The following NAALADL2 variants were observed in gnomAD, a reference collection of about 807,000 sequenced individuals.
NAALADL2 encodes N-acetylated alpha-linked acidic dipeptidase like 2, also known as inactive N-acetylated-alpha-linked acidic dipeptidase-like protein 2.
In NAALADL2, 76 loss-of-function variants were observed where a neutral mutation model predicts 87.2. That is an observed-to-expected ratio of 0.87 (90% CI 0.72 to 1.05). The LOEUF (loss-of-function observed/expected upper bound fraction) is 1.05, where lower values mean the gene tolerates loss of function less well. Among genes scored for constraint, NAALADL2 ranks in the 50% least tolerant of loss-of-function variants. NAALADL2 has a pLI of 0.00. For synonymous variants in NAALADL2, 354 were observed against 331.0 expected, an observed-to-expected ratio of 1.07 and a Z score of -0.75; for missense variants, 1,089 against 945.8, an observed-to-expected ratio of 1.15 and a Z score of -1.99.
chr3:175,390,220 G>A (rs1327478433), intron 5 of NAALADL2, among the ~76,000 whole-genome samples: 4 of 151,890 alleles, frequency 2.6e-5, no homozygotes, highest in East Asian at 3.9e-4. Flanking sequence ...CCCTCGCAAG[G>A]GGACAACTCT....
intron 2 of NAALADL2, among the ~76,000 whole-genome samples, chr3:174,586,988 C>A (rs1202465846): frequency 7.3e-6 from 1 of 137,066 alleles, no homozygotes; most frequent in Non-Finnish European, 1.6e-5. Context: ...TGCCCCTCCC[C>A]CCACCCCACG....
intron 1 of NAALADL2, among the ~76,000 whole-genome samples, chr3:174,472,024 A>T (rs1716938484): frequency 6.6e-6 from 1 of 152,188 alleles, no homozygotes; most frequent in South Asian, 2.1e-4. Flanking sequence ...AGGAAATTAC[A>T]TGACTGTCTC....
At chr3:174,462,244 G>A (rs989951766) in intron 1 of NAALADL2, among the ~76,000 whole-genome samples, 2 of 151,942 alleles carry the variant, frequency 1.3e-5, no homozygotes, top group African/African-American at 4.8e-5. Flanking sequence ...TTATTGGAAC[G>A]TTTGTCCTTG....
intron 2 of NAALADL2, among the ~76,000 whole-genome samples, chr3:174,579,644 AAT>A (rs1305586266): frequency 2.6e-5 from 4 of 152,036 alleles, no homozygotes; most frequent in African/African-American, 7.2e-5. Flanking sequence ...TATACACATA[AAT>A]ATGTTTGTCA....
At chr3:174,848,276 T>A (rs1488358881) in intron 3 of NAALADL2, among the ~76,000 whole-genome samples, 1 of 152,096 alleles carries the variant, frequency 6.6e-6, no homozygotes, top group Non-Finnish European at 1.5e-5. Flanking sequence ...CCTTTGAAAA[T>A]CAGAACTAAA....
At chr3:175,295,683 T>C in intron 4 of NAALADL2, among the ~76,000 whole-genome samples, 1 of 149,066 alleles carries the variant, frequency 6.7e-6, no homozygotes, top group African/African-American at 2.5e-5. Flanking sequence ...CAATCATACT[T>C]CCCTACTTAA....
intron 13 of NAALADL2, among the ~76,000 whole-genome samples, chr3:175,768,704 T>A (rs1749078422): frequency 6.6e-6 from 1 of 151,962 alleles, no homozygotes. Context: ...ACAAAAAAAT[T>A]AGCTGGGCAT....
rs141062658 is a variant in NAALADL2 at position 174,635,571 on chromosome 3, C to T, written c.-115+84934C>T. On this transcript the variant is annotated intron_variant, in intron 2 of 3. Transcript: ENST00000434257. ...AGGCTGGAGTGCTCTGGCGCGATCT[C>T]GGCTCACTGCAACTTCTGCCTCCCG... 5.7e-3 allele frequency among the ~76,000 whole-genome samples: 855 copies of T among 150,888 alleles called. 7 individuals carry two copies. Among genetic ancestry groups the T allele is most frequent in the East Asian group, 0.039 (198 of 5,080 alleles).
At chr3:175,461,288 A>AGCT (rs1200335438) in intron 6 of NAALADL2, among the ~76,000 whole-genome samples, 1 of 148,002 alleles carries the variant, frequency 6.8e-6, no homozygotes, top group East Asian at 2.0e-4. Flanking sequence ...AGACACAGAG[A>AGCT]GCTGATGGTG....
chr3:175,595,189 G>C (rs1030190604), intron 10 of NAALADL2, among the ~76,000 whole-genome samples: 1 of 152,036 alleles, frequency 6.6e-6, no homozygotes, highest in Non-Finnish European at 1.5e-5. Context: ...TTAAAAGTAG[G>C]GGTCCAGTTT....
chr3:174,456,276 C>A (rs141270540), intron 1 of NAALADL2, among the ~76,000 whole-genome samples: 1 of 152,104 alleles, frequency 6.6e-6, no homozygotes, highest in East Asian at 1.9e-4. Context: ...TTAAAATGAC[C>A]ATACTGCCCA....
chr3:175,128,365 A>G (rs1727288575), intron 2 of NAALADL2, among the ~76,000 whole-genome samples: 1 of 152,210 alleles, frequency 6.6e-6, no homozygotes, highest in African/African-American at 2.4e-5. Context: ...ATTTTTCAAC[A>G]TTTGTAATAA....
chr3:175,084,966 C>T (rs193101257), intron 1 of NAALADL2, among the ~76,000 whole-genome samples: 1 of 152,268 alleles, frequency 6.6e-6, no homozygotes, highest in East Asian at 1.9e-4. Flanking sequence ...CTTCTCCCTA[C>T]TTTTTCTCCA....
At chr3:175,669,598 A>G (rs1463722971) in intron 11 of NAALADL2, among the ~76,000 whole-genome samples, 1 of 152,104 alleles carries the variant, frequency 6.6e-6, no homozygotes, top group Admixed American at 6.5e-5. Context: ...CAAGTCATAC[A>G]TTGAATGACT....
At chr3:175,014,221 C>T (rs567410695) in intron 1 of NAALADL2, among the ~76,000 whole-genome samples, 67 of 152,160 alleles carry the variant, frequency 4.4e-4, no homozygotes, top group African/African-American at 1.5e-3. Context: ...GGTCTTTGCC[C>T]GTGATGTTGC....
At chr3:175,563,035 G>T (rs1716529286) in intron 9 of NAALADL2, among the ~76,000 whole-genome samples, 1 of 151,770 alleles carries the variant, frequency 6.6e-6, no homozygotes, top group African/African-American at 2.4e-5. Context: ...TGTAATAAGT[G>T]CTTTACACTA....
chr3:174,896,643 C>T (rs934710090), intron 1 of NAALADL2, among the ~76,000 whole-genome samples: 2 of 152,130 alleles, frequency 1.3e-5, no homozygotes, highest in African/African-American at 4.8e-5. Context: ...CAATGACATT[C>T]TTCACAGAAA....
At chr3:174,682,472 A>G (rs1727637648) in intron 2 of NAALADL2, among the ~76,000 whole-genome samples, 1 of 152,194 alleles carries the variant, frequency 6.6e-6, no homozygotes, top group Non-Finnish European at 1.5e-5. Flanking sequence ...TGCTGGCTTC[A>G]GATATGACAC....
At chr3:175,458,302 G>A (rs963254701) in intron 6 of NAALADL2, among the ~76,000 whole-genome samples, 6 of 151,498 alleles carry the variant, frequency 4.0e-5, no homozygotes, top group Non-Finnish European at 1.5e-5. Flanking sequence ...TATTACATTT[G>A]TATGTAAGTA....
Sources: gnomAD v4.1 joint callset for allele counts (sites outside exome capture counted in the v4.1 genomes callset) on GRCh38, gnomAD v4.1.1 for gene constraint, MANE v1.5 for transcripts, NCBI Gene and HGNC (gene_info 2026-07-23, HGNC 2026-07-21) for gene names.